The following RRBP1 variants were observed in gnomAD, a reference collection of about 807,000 sequenced individuals.
RRBP1 encodes ribosome binding protein 1.
RRBP1 carries 94 observed loss-of-function variants against 165.2 expected under a neutral mutation model. That is an observed-to-expected ratio of 0.57 (90% CI 0.48 to 0.68). The LOEUF (loss-of-function observed/expected upper bound fraction) is 0.68. Ranked by LOEUF, RRBP1 falls within the 30% of genes least tolerant of loss-of-function variation. The probability of loss-of-function intolerance (pLI) is 0.00; values close to 1 mark genes in which losing one functional copy is unlikely to be tolerated. For missense variants in RRBP1, 1,676 were observed against 1,763.0 expected (o/e 0.95, Z 0.88); for synonymous variants, 680 against 714.5 (o/e 0.95, Z 0.77).
chr20:17,642,745 T>C (rs1207502983), intron 4 of RRBP1, among the ~76,000 whole-genome samples: 1 of 151,950 alleles, frequency 6.6e-6, no homozygotes, highest in African/African-American at 2.4e-5. Flanking sequence ...CTAGATCCCA[T>C]ACCCTGCCAA....
At chr20:17,651,306 A>C (rs1450089154) in intron 3 of RRBP1, among the ~76,000 whole-genome samples, 3 of 152,196 alleles carry the variant, frequency 2.0e-5, no homozygotes, top group Non-Finnish European at 4.4e-5. Flanking sequence ...TAAATTGTGA[A>C]ACGTTTCTGG....
chr20:17,618,911 C>A (rs12480826), intron 19 of RRBP1: 89,015 of 519,364 alleles, frequency 0.17, 10,535 homozygotes, highest in East Asian at 0.5. Context: ...CAGGCCTTCA[C>A]AAATGTTTAC....
intron 9 of RRBP1, among the ~76,000 whole-genome samples, chr20:17,628,406 C>T (rs965615888): frequency 6.6e-6 from 1 of 152,250 alleles, no homozygotes; most frequent in Admixed American, 6.5e-5. Flanking sequence ...TCTTCACTAG[C>T]ACCTCTGCGG....
intron 5 of RRBP1, chr20:17,641,504 C>G: frequency 2.1e-6 from 1 of 482,216 alleles, no homozygotes. Flanking sequence ...CTGGTCCATC[C>G]CCATCACAAA....
chr20:17,618,773 A>T, intron 19 of RRBP1, 94 bp from the exon 20 acceptor site: 1 of 943,166 alleles, frequency 1.1e-6, no homozygotes, highest in Non-Finnish European at 1.7e-6. Context: ...AAAACCTAAC[A>T]CATCCACTTA....
Position 17,634,773 on chromosome 20 carries a change from T to C in RRBP1, c.2456+773A>G, listed in dbSNP as rs1460012498. Among the ~76,000 whole-genome samples the C allele has an allele frequency of 2.6e-5, 4 of 152,174 alleles. No homozygotes were observed. In the South Asian group the frequency reaches 8.3e-4, roughly 32 times the overall value. On this transcript the variant is annotated intron_variant, in intron 7 of 24. Coordinates refer to ENST00000377813, the MANE Select transcript of RRBP1 (RefSeq NM_001365613.2). Reference sequence around the variant, plus strand: ...CAGCCACAAACCTCCAACCAGCCGATGGCTCAGGAAGGGGACCCAGAGGGG... The same window carrying C: ...CAGCCACAAACCTCCAACCAGCCGACGGCTCAGGAAGGGGACCCAGAGGGG...
chr20:17,667,932 A>G (rs984206167), intron 2 of RRBP1, among the ~76,000 whole-genome samples: 2 of 152,300 alleles, frequency 1.3e-5, no homozygotes, highest in East Asian at 3.9e-4. Flanking sequence ...TTCTCTCACC[A>G]TGTTGAAGAT....
At chr20:17,639,689 T>C (rs1297387460) in intron 5 of RRBP1, among the ~76,000 whole-genome samples, 1 of 151,628 alleles carries the variant, frequency 6.6e-6, no homozygotes, top group East Asian at 1.9e-4. Context: ...AGGTCGGGAG[T>C]TCGAGACCAG....
intron 2 of RRBP1, among the ~76,000 whole-genome samples, chr20:17,664,287 C>A (rs1336275124): frequency 6.6e-6 from 1 of 152,178 alleles, no homozygotes; most frequent in Non-Finnish European, 1.5e-5. Context: ...CACACGGGAT[C>A]GTTCACATCC....
chr20:17,658,734 C>T lies in RRBP1; in HGVS notation c.1774G>A (p.Ala592Thr), dbSNP rs759153442. The part of the protein sequence containing the change: ...GSPNQGKKAD[A>T]AANQGKKTES... ...GTCTTTTTACCCTGATTGGCAGCTG[C>T]GTCTGCCTTTTTGCCTTGGTTGGGG... Residue 592 changes from alanine (A) to threonine (T), a missense_variant, in exon 3 of 25, where the codon GCA becomes ACA. Ala to Thr is a moderately conservative substitution (Grantham distance 58, BLOSUM62 0). This residue lies in a region of RRBP1 where 1,184 missense variants were observed against 1,167.1 expected (regional missense o/e 1.01). Coordinates refer to ENST00000377813, the MANE Select transcript of RRBP1 (RefSeq NM_001365613.2). The T allele has an allele frequency of 1.1e-5, 17 of 1,614,240 alleles. No homozygotes were observed. Among genetic ancestry groups the T allele is most frequent in the East Asian group, 4.5e-5 (2 of 44,882 alleles).
At chr20:17,663,183 G>A (rs1228408910) in intron 2 of RRBP1, among the ~76,000 whole-genome samples, 3 of 152,194 alleles carry the variant, frequency 2.0e-5, no homozygotes, top group African/African-American at 7.2e-5. Context: ...TGCAGACCGT[G>A]ACACAGTGAA....
chr20:17,659,340 T>G lies in RRBP1; in HGVS notation c.1168A>C (p.Lys390Gln). ...TGGTTCTGGGCCCCTTCTACTTTTT[T>G]GCCCTGGTTCTGAGCCCCCTCGGCC... ...KKAEGAQNQGKKVEGAQNQGK... is the reference protein window; with the variant it reads ...KKAEGAQNQGQKVEGAQNQGK... The change falls in exon 3 of 25, where the codon AAA (lysine) becomes CAA (glutamine). Residue 390 changes from lysine (K) to glutamine (Q), a missense_variant. Physicochemically the swap from Lys to Gln is moderately conservative, Grantham distance 53. Around this residue, in one of 5 missense-constraint regions of RRBP1, gnomAD observed 78 missense variants for 115.6 expected, o/e 0.67. Transcript: ENST00000377813. 1 of 1,540,084 alleles carries G rather than the reference T, an allele frequency of 6.5e-7. No homozygotes were observed. The highest frequency in any genetic ancestry group is 1.2e-5 in the South Asian group (1 of 83,608).
rs781723667 is a variant in RRBP1 at position 17,621,884 on chromosome 20, G to A, written c.3211C>T (p.Leu1071Phe). 1.9e-6 allele frequency: 3 copies of A among 1,613,910 alleles called. No homozygotes were observed. Among genetic ancestry groups the A allele is most frequent in the Admixed American group, 1.7e-5 (1 of 60,032 alleles). ...TGTGCCAAGACAGAGAGTTCTGGGA[G>A]CAGAGCCAGCAGGGCCTCCATGGTC... ...AQTMEALLAL[L>F]PELSVLAQQN... is the part of the protein sequence containing the mutation. The change falls in exon 14 of 25, where the codon CTC becomes TTC. Residue 1071 changes from leucine (L) to phenylalanine (F), a missense_variant. Physicochemically the swap from Leu to Phe is conservative, Grantham distance 22. Coordinates refer to ENST00000377813, the MANE Select transcript of RRBP1 (RefSeq NM_001365613.2).
At chr20:17,628,898 G>A (rs952619853) in intron 9 of RRBP1, among the ~76,000 whole-genome samples, 11 of 152,254 alleles carry the variant, frequency 7.2e-5, no homozygotes, top group East Asian at 1.9e-4. Context: ...CTGTTCACTC[G>A]GTGTTAATGG....
intron 4 of RRBP1, 36 bp downstream of exon 4, chr20:17,642,943 G>A: frequency 6.2e-7 from 1 of 1,604,494 alleles, no homozygotes. Context: ...CAGCTGCAGT[G>A]GCCTCTGAGC....
chr20:17,618,813 G>A (rs546407751), intron 19 of RRBP1, 134 bp from the exon 20 acceptor site: 29 of 695,990 alleles, frequency 4.2e-5, no homozygotes, highest in African/African-American at 3.9e-4. Flanking sequence ...TCACAGCATC[G>A]GGCCGGCACA....
chr20:17,622,563 A>G (rs988073142), intron 13 of RRBP1, among the ~76,000 whole-genome samples: 7 of 151,962 alleles, frequency 4.6e-5, no homozygotes, highest in African/African-American at 1.7e-4. Flanking sequence ...CTCAGAGGAG[A>G]CAGGGACTTT....
At chr20:17,657,835 G>A (rs1600767634) in intron 3 of RRBP1, among the ~76,000 whole-genome samples, 2 of 152,256 alleles carry the variant, frequency 1.3e-5, no homozygotes, top group South Asian at 4.1e-4. Flanking sequence ...GTGGCGCAGG[G>A]GAAGGAGAAG....
intron 11 of RRBP1, 53 bp downstream of exon 11, chr20:17,627,295 T>C: frequency 6.3e-7 from 1 of 1,596,048 alleles, no homozygotes; most frequent in Non-Finnish European, 8.5e-7. Context: ...CAAGGGTCTT[T>C]GGTCCCCCGG....
Sources: gnomAD v4.1 joint callset for allele counts (sites outside exome capture counted in the v4.1 genomes callset) on GRCh38, gnomAD v4.1.1 for gene constraint, gnomAD v4.1.1 regional missense constraint, MANE v1.5 for transcripts, NCBI Gene and HGNC (gene_info 2026-07-23, HGNC 2026-07-21) for gene names.